The following BLK variants were observed in gnomAD, a reference collection of about 807,000 sequenced individuals.
The protein encoded by BLK is tyrosine-protein kinase Blk.
A neutral mutation model predicts 61.8 loss-of-function variants in BLK; 64 were observed. The observed-to-expected ratio is 1.03, with a 90% CI of 0.85 to 1.27. The LOEUF is 1.27. Among genes scored for constraint, BLK ranks in the 50% most tolerant of loss-of-function variants. BLK has a pLI of 0.00. For synonymous variants in BLK, 351 were observed against 272.0 expected (o/e 1.29, Z -2.86); for missense variants, 853 against 660.5 (o/e 1.29, Z -3.19).
At chr8:11,530,098 T>C (rs1799826297) in intron 1 of BLK, among the ~76,000 whole-genome samples, 2 of 152,260 alleles carry the variant, frequency 1.3e-5, no homozygotes, top group African/African-American at 4.8e-5. Flanking sequence ...ATACTTTGCC[T>C]AATTATTTAC....
chr8:11,502,684 A>G (rs1753226218), intron 1 of BLK, among the ~76,000 whole-genome samples: 1 of 152,218 alleles, frequency 6.6e-6, no homozygotes, highest in South Asian at 2.1e-4. Context: ...ATACCGGCAC[A>G]AGCTGGCCCC....
Position 11,559,383 on chromosome 8 carries a change from TCACA to T in BLK, c.1029+1350_1029+1353del, listed in dbSNP as rs572103816. Among the ~76,000 whole-genome samples the T allele has an allele frequency of 2.2e-4, 27 of 120,518 alleles. No homozygotes were observed. In the South Asian group the frequency reaches 6.3e-3, roughly 28 times the overall value. 79.1% of individuals were successfully genotyped at this position (120,518 alleles called of 152,430 possible). ...CACAGACTCACACAGACACGCAAAC[TCACA>T]CACAGACAGACACACACACAGACAC... is the stretch of plus-strand genomic sequence containing the variant. On this transcript the variant is annotated intron_variant, in intron 10 of 12. Transcript: ENST00000259089.
intron 1 of BLK, among the ~76,000 whole-genome samples, chr8:11,507,360 C>T (rs1330336431): frequency 6.6e-6 from 1 of 152,208 alleles, no homozygotes; most frequent in South Asian, 2.1e-4. Context: ...CCTGGATTTG[C>T]AGTGGCCCTG....
chr8:11,559,476 C>T (rs1801385172), intron 10 of BLK, among the ~76,000 whole-genome samples: 1 of 151,234 alleles, frequency 6.6e-6, no homozygotes, highest in Non-Finnish European at 1.5e-5. Flanking sequence ...CAAACACAAA[C>T]TCACACAAAC....
chr8:11,528,131 G>A (rs1462383081), intron 1 of BLK, among the ~76,000 whole-genome samples: 1 of 152,076 alleles, frequency 6.6e-6, no homozygotes, highest in Admixed American at 6.5e-5. Flanking sequence ...CTGCCTCCCA[G>A]GCTCAGGTGA....
intron 1 of BLK, among the ~76,000 whole-genome samples, chr8:11,527,239 A>C (rs1399524104): frequency 6.6e-6 from 1 of 152,188 alleles, no homozygotes; most frequent in East Asian, 1.9e-4. Context: ...TCTTTTTAAA[A>C]GTCACCTCTA....
Position 11,561,369 on chromosome 8 carries a change from T to G in BLK, c.1097T>G (p.Ile366Ser). The change falls in exon 11 of 13, where the codon ATC becomes AGC. Residue 366 changes from isoleucine (I) to serine (S), a missense_variant. Ile to Ser is a moderately radical substitution (Grantham distance 142). Coordinates refer to ENST00000259089, the MANE Select transcript of BLK (RefSeq NM_001715.3). ...SIHRDLRAAN[I>S]LVSEALCCKI... is the part of the protein sequence containing the mutation. ...CACCGCGACCTGCGGGCGGCCAACA[T>G]CCTGGTGTCTGAGGCCTTGTGCTGC... is the stretch of plus-strand genomic sequence containing the variant. The G allele has an allele frequency of 6.2e-7, 1 of 1,614,106 alleles. No individual in the cohort carries two copies. The highest frequency in any genetic ancestry group is 8.5e-7 in the Non-Finnish European group (1 of 1,180,004).
intron 1 of BLK, among the ~76,000 whole-genome samples, chr8:11,508,226 C>T (rs931781292): frequency 5.9e-5 from 9 of 152,234 alleles, no homozygotes; most frequent in Admixed American, 1.3e-4. Context: ...GCAAGAGAAG[C>T]GTGTCACGGC....
At chr8:11,543,554 C>T (rs1461369258) in intron 2 of BLK, among the ~76,000 whole-genome samples, 3 of 152,152 alleles carry the variant, frequency 2.0e-5, no homozygotes, top group Admixed American at 6.5e-5. Flanking sequence ...GCTCATTTCT[C>T]GAGGGCAGCC....
chr8:11,532,064 G>A (rs1390723152), intron 1 of BLK, among the ~76,000 whole-genome samples: 1 of 152,068 alleles, frequency 6.6e-6, no homozygotes, highest in Non-Finnish European at 1.5e-5. Context: ...TCACCATGTT[G>A]GCCAGGCTGG....
intron 2 of BLK, among the ~76,000 whole-genome samples, chr8:11,544,463 G>A (rs1192145855): frequency 6.6e-6 from 1 of 152,122 alleles, no homozygotes; most frequent in African/African-American, 2.4e-5. Context: ...GATGAACCCA[G>A]GCATCTTACC....
chr8:11,504,366 A>AG (rs1277118282), intron 1 of BLK, among the ~76,000 whole-genome samples: 9 of 31,450 alleles, frequency 2.9e-4, no homozygotes, highest in South Asian at 6.6e-4. Context: ...GAAGGAAGGA[A>AG]GAAAGAAAAG....
At chr8:11,508,752 C>T (rs780407396) in intron 1 of BLK, among the ~76,000 whole-genome samples, 1 of 152,218 alleles carries the variant, frequency 6.6e-6, no homozygotes, top group Admixed American at 6.5e-5. Flanking sequence ...CAGCTGTGTG[C>T]ACCCATCTCT....
At chr8:11,533,221 T>G (rs1337337539) in intron 1 of BLK, among the ~76,000 whole-genome samples, 1 of 152,238 alleles carries the variant, frequency 6.6e-6, no homozygotes. Context: ...CCAAGCATGT[T>G]AAAGGCCTGA....
chr8:11,558,913 C>T (rs1164365603), intron 10 of BLK: 8 of 456,088 alleles, frequency 1.8e-5, no homozygotes, highest in Admixed American at 4.7e-5. Context: ...CAGCCTTACC[C>T]AGTAGCGCCG....
At chr8:11,535,049 G>A (rs536049816) in intron 1 of BLK, among the ~76,000 whole-genome samples, 9 of 152,026 alleles carry the variant, frequency 5.9e-5, no homozygotes, top group Non-Finnish European at 7.4e-5. Context: ...ATGGCAGCAC[G>A]TGCCTGTGGT....
chr8:11,533,235 CT>C (rs1563100508), intron 1 of BLK, among the ~76,000 whole-genome samples: 1 of 152,152 alleles, frequency 6.6e-6, no homozygotes, highest in African/African-American at 2.4e-5. Flanking sequence ...GGCCTGAGAC[CT>C]TTTCTTTTCT....
chr8:11,496,193 G>A (rs534793179), intron 1 of BLK, among the ~76,000 whole-genome samples: 1 of 152,208 alleles, frequency 6.6e-6, no homozygotes, highest in Non-Finnish European at 1.5e-5. Flanking sequence ...TGATTATATT[G>A]TTGTTGTTGG....
At chr8:11,552,813 G>C (rs933485324) in intron 6 of BLK, 2 of 152,234 alleles carry the variant, frequency 1.3e-5, no homozygotes, top group African/African-American at 4.8e-5. Context: ...TCCACCCCAG[G>C]AAGCCAGTCC....
Sources: allele counts gnomAD v4.1 joint callset (sites outside exome capture counted in the v4.1 genomes callset), GRCh38; gene constraint gnomAD v4.1.1; transcripts MANE v1.5; gene names NCBI Gene and HGNC (gene_info 2026-07-23, HGNC 2026-07-21).